The following GPC6 variants were observed in gnomAD, a reference collection of about 807,000 sequenced individuals.
GPC6 encodes the protein glypican-6.
A neutral mutation model predicts 55.2 loss-of-function variants in GPC6; 14 were observed. That is an observed-to-expected ratio of 0.25 (90% CI 0.17 to 0.40). The LOEUF (loss-of-function observed/expected upper bound fraction) is 0.40. Ranked by LOEUF, GPC6 falls within the 10% of genes least tolerant of loss-of-function variation. GPC6 has a pLI of 1.00. For missense variants in GPC6, 641 were observed against 708.5 expected (o/e 0.90, Z 1.08); for synonymous variants, 278 against 259.6 (o/e 1.07, Z -0.68).
intron 7 of GPC6, among the ~76,000 whole-genome samples, chr13:94,389,575 C>T (rs1275499554): frequency 6.6e-6 from 1 of 152,130 alleles, no homozygotes; most frequent in Non-Finnish European, 1.5e-5. Flanking sequence ...AACTGCATCA[C>T]CTCTAACTTC....
intron 3 of GPC6, among the ~76,000 whole-genome samples, chr13:93,897,680 G>A (rs1359406908): frequency 2.0e-5 from 3 of 151,906 alleles, no homozygotes; most frequent in South Asian, 4.2e-4. Flanking sequence ...TTCAGCATAG[G>A]CCCCTTCAAC....
chr13:93,419,729 C>T (rs1439515788), intron 1 of GPC6, among the ~76,000 whole-genome samples: 1 of 152,118 alleles, frequency 6.6e-6, no homozygotes, highest in East Asian at 1.9e-4. Context: ...TCCTTCATGA[C>T]AGCCATCCTC....
chr13:93,549,551 A>C (rs970399176), intron 2 of GPC6, among the ~76,000 whole-genome samples: 26 of 152,314 alleles, frequency 1.7e-4, no homozygotes, highest in Admixed American at 2.0e-4. Context: ...TGGCAGAGTC[A>C]GGATTCCATC....
intron 4 of GPC6, among the ~76,000 whole-genome samples, chr13:94,131,863 T>C (rs1212382903): frequency 1.3e-5 from 2 of 152,272 alleles, no homozygotes; most frequent in East Asian, 1.9e-4. Flanking sequence ...TTAAAAATAA[T>C]TTATGTGGTT....
At chr13:93,962,073 G>T (rs1879803188) in intron 3 of GPC6, among the ~76,000 whole-genome samples, 1 of 152,078 alleles carries the variant, frequency 6.6e-6, no homozygotes, top group Non-Finnish European at 1.5e-5. Flanking sequence ...AACAATTAAA[G>T]AAACAAGTTC....
chr13:93,379,186 T>C (rs1443101623), intron 1 of GPC6, among the ~76,000 whole-genome samples: 3 of 152,160 alleles, frequency 2.0e-5, no homozygotes, highest in African/African-American at 4.8e-5. Flanking sequence ...CTTAAGTAGC[T>C]AGGACTACAT....
chr13:94,216,780 C>T (rs1358653993), intron 4 of GPC6, among the ~76,000 whole-genome samples: 2 of 152,182 alleles, frequency 1.3e-5, no homozygotes, highest in African/African-American at 4.8e-5. Flanking sequence ...CCAGCCCAAA[C>T]AGTCTATAAA....
rs548211581 is a variant in GPC6, at chr13:94,307,081, C to T, written c.1152+958C>T. On this transcript the variant is annotated intron_variant, in intron 6 of 8. Coordinates refer to ENST00000377047, the MANE Select transcript of GPC6 (RefSeq NM_005708.5). Reference sequence around the variant, plus strand: ...GTTAATATCCTTCTATAGTGTAGAACTCATAAGATTATATTGGTTGAATTT... The same window carrying T: ...GTTAATATCCTTCTATAGTGTAGAATTCATAAGATTATATTGGTTGAATTT... Among the ~76,000 whole-genome samples, 18 of 152,254 alleles carry T rather than the reference C, an allele frequency of 1.2e-4. No individual in the cohort carries two copies. In the South Asian group the frequency reaches 3.1e-3, roughly 26 times the overall value.
intron 2 of GPC6, among the ~76,000 whole-genome samples, chr13:93,766,088 C>G (rs1470975353): frequency 6.6e-6 from 1 of 152,044 alleles, no homozygotes; most frequent in Non-Finnish European, 1.5e-5. Flanking sequence ...CAGTCATGTG[C>G]AAAGAAAAGG....
At chr13:94,286,868 C>T (rs771802171) in intron 5 of GPC6, among the ~76,000 whole-genome samples, 1 of 152,138 alleles carries the variant, frequency 6.6e-6, no homozygotes, top group East Asian at 1.9e-4. Flanking sequence ...GCTGTGCAGA[C>T]CAGGCACATG....
intron 1 of GPC6, among the ~76,000 whole-genome samples, chr13:93,239,990 G>A (rs948278874): frequency 1.3e-5 from 2 of 152,096 alleles, no homozygotes; most frequent in Non-Finnish European, 2.9e-5. Flanking sequence ...TGCAGTCTGA[G>A]AAGATGCCTG....
chr13:93,417,682 G>A (rs1876752921), intron 1 of GPC6, among the ~76,000 whole-genome samples: 1 of 152,038 alleles, frequency 6.6e-6, no homozygotes, highest in South Asian at 2.1e-4. Context: ...CAAGCTGTGT[G>A]TGAGTTATTT....
At chr13:94,146,896 G>T (rs140392248) in intron 4 of GPC6, among the ~76,000 whole-genome samples, 114 of 152,230 alleles carry the variant, frequency 7.5e-4, no homozygotes, top group African/African-American at 2.6e-3. Context: ...GCTGAATAAA[G>T]AAATAGGTTT....
At chr13:93,535,431 T>C (rs1440656558) in intron 1 of GPC6, among the ~76,000 whole-genome samples, 3 of 152,102 alleles carry the variant, frequency 2.0e-5, no homozygotes, top group South Asian at 2.1e-4. Context: ...AAGTAAATAT[T>C]TGAGGCACTG....
chr13:94,160,118 A>G (rs1381050566), intron 4 of GPC6, among the ~76,000 whole-genome samples: 1 of 152,210 alleles, frequency 6.6e-6, no homozygotes, highest in Non-Finnish European at 1.5e-5. Flanking sequence ...ATTTTGAGAG[A>G]GCAAGACAGA....
chr13:93,450,708 C>T (rs1878191591), intron 1 of GPC6: 1 of 972,614 alleles, frequency 1.0e-6, no homozygotes, highest in African/African-American at 1.8e-5. Flanking sequence ...CAACACTTCC[C>T]ACTTTTTAGT....
intron 4 of GPC6, among the ~76,000 whole-genome samples, chr13:94,216,108 T>C (rs772736000): frequency 6.6e-6 from 1 of 152,218 alleles, no homozygotes; most frequent in Non-Finnish European, 1.5e-5. Context: ...AAGTCACTGT[T>C]TTATCTTTGT....
intron 4 of GPC6, among the ~76,000 whole-genome samples, chr13:94,193,827 G>A (rs1889477842): frequency 6.6e-6 from 1 of 152,154 alleles, no homozygotes; most frequent in African/African-American, 2.4e-5. Context: ...GTCCACAGTT[G>A]AACAGGTCCT....
intron 1 of GPC6, among the ~76,000 whole-genome samples, chr13:93,369,506 A>C (rs78969525): frequency 0.012 from 1,853 of 152,246 alleles, 48 homozygotes; most frequent in African/African-American, 0.042. Context: ...TTCAAAAGCA[A>C]AGAAAAAATG....
Sources: allele counts gnomAD v4.1 joint callset (sites outside exome capture counted in the v4.1 genomes callset), GRCh38; gene constraint gnomAD v4.1.1; transcripts MANE v1.5; gene names NCBI Gene and HGNC (gene_info 2026-07-23, HGNC 2026-07-21).